SGMS1: variants seen among roughly 807,000 people sequenced by gnomAD.
SGMS1 encodes the protein phosphatidylcholine:ceramide cholinephosphotransferase 1.
Under a neutral mutation model 46.2 loss-of-function variants are expected in SGMS1, and 13 were observed. That is an observed-to-expected ratio of 0.28 (90% confidence interval 0.18 to 0.45). The LOEUF (loss-of-function observed/expected upper bound fraction) is 0.45. Ranked by LOEUF, SGMS1 falls within the 20% of genes least tolerant of loss-of-function variation. The pLI is 1.00. For missense variants in SGMS1, 324 were observed against 519.9 expected (o/e 0.62, Z 3.66); for synonymous variants, 203 against 187.8 (o/e 1.08, Z -0.66).
At chr10:50,453,204 T>C (rs2133665554) in intron 5 of SGMS1, among the ~76,000 whole-genome samples, 1 of 152,254 alleles carries the variant, frequency 6.6e-6, no homozygotes, top group South Asian at 2.1e-4. Context: ...AAAATAAGTA[T>C]ATTTAATATA....
chr10:50,551,625 G>A (rs555885758), intron 2 of SGMS1, among the ~76,000 whole-genome samples: 1 of 152,028 alleles, frequency 6.6e-6, no homozygotes, highest in Admixed American at 6.6e-5. Flanking sequence ...CTGGGAATAT[G>A]AGAACTCTGT....
chr10:50,319,936 C>T (rs1024490494), intron 8 of SGMS1, among the ~76,000 whole-genome samples: 2 of 152,136 alleles, frequency 1.3e-5, no homozygotes, highest in African/African-American at 2.4e-5. Flanking sequence ...AGTGATGATT[C>T]TAAATTATAA....
At chr10:50,555,087 T>C (rs1838179583) in intron 2 of SGMS1, among the ~76,000 whole-genome samples, 1 of 152,190 alleles carries the variant, frequency 6.6e-6, no homozygotes, top group Non-Finnish European at 1.5e-5. Flanking sequence ...ACCAGCATCA[T>C]GCCCTCATCT....
chr10:50,314,637 TA>T (rs748928474), intron 8 of SGMS1, among the ~76,000 whole-genome samples: 4 of 152,184 alleles, frequency 2.6e-5, no homozygotes, highest in Non-Finnish European at 4.4e-5. Context: ...ACTGTAACAC[TA>T]ATCACAAAAG....
intron 5 of SGMS1, among the ~76,000 whole-genome samples, chr10:50,435,052 C>T (rs1392408284): frequency 6.6e-6 from 1 of 152,184 alleles, no homozygotes; most frequent in East Asian, 1.9e-4. Context: ...GGAACAGATT[C>T]ATTGGCTAGC....
chr10:50,625,169 G>A, upstream of SGMS1: 1 of 635,362 alleles, frequency 1.6e-6, no homozygotes, highest in Non-Finnish European at 2.0e-6. Context: ...AAACTGCGGC[G>A]AAATCGAGAC....
At chr10:50,453,697 CTAATAGCAA>C (rs1200252312) in intron 5 of SGMS1, among the ~76,000 whole-genome samples, 6 of 147,282 alleles carry the variant, frequency 4.1e-5, no homozygotes, top group Admixed American at 2.7e-4. Context: ...TAAAATATTC[CTAATAGCAA>C]TATTTAGGCC....
At chr10:50,504,884 G>A (rs536943323) in intron 3 of SGMS1, among the ~76,000 whole-genome samples, 11 of 152,128 alleles carry the variant, frequency 7.2e-5, no homozygotes, top group Admixed American at 2.0e-4. Context: ...TTTGATCCTA[G>A]CCTCCATACC....
chr10:50,502,695 CA>C (rs1419217235), intron 3 of SGMS1, among the ~76,000 whole-genome samples: 1 of 152,174 alleles, frequency 6.6e-6, no homozygotes, highest in African/African-American at 2.4e-5. Context: ...CTTTCCTTTT[CA>C]GTCCCCAGGT....
chr10:50,317,796 TTC>T (rs1327470104), intron 8 of SGMS1, among the ~76,000 whole-genome samples: 1 of 144,116 alleles, frequency 6.9e-6, no homozygotes, highest in Non-Finnish European at 1.5e-5. Context: ...TAAAAGTTAT[TTC>T]TTTCTTTTTT....
At chr10:50,364,062 T>A (rs1848295771) in intron 6 of SGMS1, among the ~76,000 whole-genome samples, 1 of 151,790 alleles carries the variant, frequency 6.6e-6, no homozygotes, top group African/African-American at 2.4e-5. Context: ...AAATTCCTAG[T>A]CAATATGAAC....
chr10:50,317,927 C>T (rs957087862), intron 8 of SGMS1, among the ~76,000 whole-genome samples: 2 of 151,884 alleles, frequency 1.3e-5, no homozygotes, highest in African/African-American at 2.4e-5. Context: ...CCTCAGCCTC[C>T]CAAGTAGCTG....
chr10:50,396,901 A>C (rs1031916794), intron 6 of SGMS1, among the ~76,000 whole-genome samples: 1 of 152,172 alleles, frequency 6.6e-6, no homozygotes, highest in African/African-American at 2.4e-5. Context: ...GTTAAAAAGA[A>C]AGCTGTGTGG....
chr10:50,382,578 C>CAAACACACACGT (rs1848622350), intron 6 of SGMS1, among the ~76,000 whole-genome samples: 4 of 150,014 alleles, frequency 2.7e-5, no homozygotes, highest in Admixed American at 2.0e-4. Flanking sequence ...TACACACACA[C>CAAACACACACGT]ACACACACAC....
At chr10:50,314,555 A>T (rs1225850670) in intron 8 of SGMS1, among the ~76,000 whole-genome samples, 2 of 152,216 alleles carry the variant, frequency 1.3e-5, no homozygotes, top group African/African-American at 4.8e-5. Flanking sequence ...ACCCAGTCAC[A>T]TTGCTTCTAG....
chr10:50,400,381 T>G (rs559806846), intron 6 of SGMS1, among the ~76,000 whole-genome samples: 2 of 88,586 alleles, frequency 2.3e-5, no homozygotes, highest in Non-Finnish European at 2.3e-5. Context: ...ACAAGACCTA[T>G]AGAACACATC....
chr10:50,371,861 T>G (rs1169340080), intron 6 of SGMS1, among the ~76,000 whole-genome samples: 1 of 152,144 alleles, frequency 6.6e-6, no homozygotes, highest in Admixed American at 6.5e-5. Context: ...GGGGGTGAGC[T>G]CATCCTTTTA....
At chr10:50,540,829 T>C (rs1317253193) in intron 2 of SGMS1, among the ~76,000 whole-genome samples, 3 of 152,168 alleles carry the variant, frequency 2.0e-5, no homozygotes, top group African/African-American at 7.2e-5. Context: ...TTTTTTGTTT[T>C]GGCTTTTAGG....
intron 2 of SGMS1, among the ~76,000 whole-genome samples, chr10:50,571,498 A>G (rs1446962460): frequency 6.6e-6 from 1 of 152,190 alleles, no homozygotes; most frequent in Admixed American, 6.5e-5. Context: ...TGTATCTGGG[A>G]GGTTGGCACA....
Sources: gnomAD v4.1 joint callset for allele counts (sites outside exome capture counted in the v4.1 genomes callset) on GRCh38, gnomAD v4.1.1 for gene constraint, MANE v1.5 for transcripts, NCBI Gene and HGNC (gene_info 2026-07-23, HGNC 2026-07-21) for gene names.